The following KHDRBS2 variants were observed in gnomAD, a reference collection of about 807,000 sequenced individuals.
The protein encoded by KHDRBS2 is KH RNA binding domain containing, signal transduction associated 2.
In KHDRBS2, 26 loss-of-function variants were observed where a neutral mutation model predicts 44.3. The observed-to-expected ratio is 0.59, with a 90% CI of 0.43 to 0.81. The LOEUF is 0.81. Among genes scored for constraint, KHDRBS2 ranks in the 40% least tolerant of loss-of-function variants. The pLI, the probability that KHDRBS2 is intolerant of heterozygous loss-of-function variation, is 0.00. For synonymous variants in KHDRBS2, 194 were observed against 151.1 expected (o/e 1.28, Z -2.08); for missense variants, 476 against 433.1 (o/e 1.10, Z -0.88).
At chr6:62,013,637 C>T (rs1444348320) in intron 3 of KHDRBS2, among the ~76,000 whole-genome samples, 3 of 152,084 alleles carry the variant, frequency 2.0e-5, no homozygotes, top group Admixed American at 1.3e-4. Flanking sequence ...TTATTATGAA[C>T]TAACACTCAG....
At chr6:61,925,917 T>A (rs1808877599) in intron 4 of KHDRBS2, among the ~76,000 whole-genome samples, 1 of 152,118 alleles carries the variant, frequency 6.6e-6, no homozygotes, top group African/African-American at 2.4e-5. Flanking sequence ...AGGCATTATG[T>A]TTTGCATGTT....
At chr6:61,934,601 A>G (rs1810693995) in intron 4 of KHDRBS2, among the ~76,000 whole-genome samples, 1 of 152,172 alleles carries the variant, frequency 6.6e-6, no homozygotes, top group Non-Finnish European at 1.5e-5. Flanking sequence ...TTTAGTTTTG[A>G]TATTAATAGG....
chr6:61,954,164 A>G (rs1297830201), intron 4 of KHDRBS2, among the ~76,000 whole-genome samples: 1 of 152,076 alleles, frequency 6.6e-6, no homozygotes. Flanking sequence ...CATTGTTTCC[A>G]GAAGCACCTG....
rs1233010077 is a variant in KHDRBS2 at position 62,192,297 on chromosome 6, G to A, written c.92-14985C>T. Among the ~76,000 whole-genome samples, 3 of 152,092 alleles carry A rather than the reference G, an allele frequency of 2.0e-5. No homozygotes were observed. The East Asian group carries it at 5.8e-4, about 29-fold the overall frequency. ...TGCATTTATTTCCAGAACATGAGTA[G>A]AACATATGTCCTATGTGTGTGTAAA... On this transcript the variant is annotated intron_variant, in intron 1 of 8. Transcript: ENST00000281156.
chr6:61,585,142 T>C, the KHDRBS2 span, among the ~76,000 whole-genome samples: 1 of 151,960 alleles, frequency 6.6e-6, no homozygotes, highest in Non-Finnish European at 1.5e-5. Context: ...TAACTAATCA[T>C]TTTTACTTAA....
chr6:61,636,588 A>G, the KHDRBS2 span, among the ~76,000 whole-genome samples: 12 of 152,096 alleles, frequency 7.9e-5, no homozygotes, highest in African/African-American at 2.9e-4. Context: ...GTCTGGAGAC[A>G]GTTTTGGTTG....
chr6:61,805,115 C>G (rs1472866870), intron 6 of KHDRBS2, among the ~76,000 whole-genome samples: 1 of 152,146 alleles, frequency 6.6e-6, no homozygotes, highest in Non-Finnish European at 1.5e-5. Flanking sequence ...AAACTGAATG[C>G]TTTTAACAGC....
intron 6 of KHDRBS2, among the ~76,000 whole-genome samples, chr6:61,771,496 AC>A (rs1194034526): frequency 2.0e-5 from 3 of 152,192 alleles, no homozygotes; most frequent in Non-Finnish European, 4.4e-5. Flanking sequence ...AGGAAGATCT[AC>A]CAAGCAAATG....
rs114448613 is a variant in KHDRBS2 at position 62,188,146 on chromosome 6, C to G, written c.92-10834G>C. Among the ~76,000 whole-genome samples the G allele has an allele frequency of 7.2e-3, 1,093 of 152,106 alleles. 15 individuals carry two copies. The highest frequency in any genetic ancestry group is 0.025 in the African/African-American group (1,057 of 41,498). ...CCAATCCATTCATGAGGGATCTGCCCTCATGACCCAAACACCTCCCACTAG... is the reference window on the plus strand; with the variant it reads ...CCAATCCATTCATGAGGGATCTGCCGTCATGACCCAAACACCTCCCACTAG... On this transcript the variant is annotated intron_variant, in intron 1 of 8. Transcript: ENST00000281156.
intron 1 of KHDRBS2, among the ~76,000 whole-genome samples, chr6:62,220,720 A>G (rs1233260138): frequency 1.3e-5 from 2 of 151,926 alleles, no homozygotes; most frequent in Non-Finnish European, 2.9e-5. Flanking sequence ...ACACATAAAA[A>G]TAAAATATTG....
At chr6:62,112,110 G>A (rs1376915774) in intron 2 of KHDRBS2, among the ~76,000 whole-genome samples, 2 of 152,022 alleles carry the variant, frequency 1.3e-5, no homozygotes, top group Non-Finnish European at 2.9e-5. Context: ...TAAAGGCAAG[G>A]TGCCTCAATG....
intron 8 of KHDRBS2, among the ~76,000 whole-genome samples, chr6:61,689,901 A>C (rs11967133): frequency 1.3e-5 from 2 of 151,926 alleles, no homozygotes; most frequent in Non-Finnish European, 2.9e-5. Context: ...ATATATTTGC[A>C]ATGTTGGGAA....
At chr6:62,153,008 G>A (rs1470164793) in intron 2 of KHDRBS2, among the ~76,000 whole-genome samples, 1 of 152,216 alleles carries the variant, frequency 6.6e-6, no homozygotes, top group Non-Finnish European at 1.5e-5. Flanking sequence ...TGGCTCACTG[G>A]TGATTACGTA....
chr6:62,144,891 G>C (rs1226817960), intron 2 of KHDRBS2, among the ~76,000 whole-genome samples: 1 of 151,884 alleles, frequency 6.6e-6, no homozygotes, highest in East Asian at 1.9e-4. Context: ...TCATGTAATA[G>C]ACCTTGTTAA....
intron 1 of KHDRBS2, among the ~76,000 whole-genome samples, chr6:62,275,406 G>A (rs1381919758): frequency 6.6e-6 from 1 of 152,114 alleles, no homozygotes; most frequent in African/African-American, 2.4e-5. Flanking sequence ...ACTTAAAACT[G>A]TCTGGAGACA....
intron 1 of KHDRBS2, among the ~76,000 whole-genome samples, chr6:62,284,650 T>C (rs1842228686): frequency 6.6e-6 from 1 of 152,168 alleles, no homozygotes; most frequent in African/African-American, 2.4e-5. Context: ...AACAGTTTAG[T>C]TATTTCACAT....
chr6:62,132,226 T>C (rs1305177495), intron 2 of KHDRBS2, among the ~76,000 whole-genome samples: 1 of 152,198 alleles, frequency 6.6e-6, no homozygotes, highest in Non-Finnish European at 1.5e-5. Context: ...TAAACCTTAT[T>C]TTGCTTAAAT....
intron 8 of KHDRBS2, among the ~76,000 whole-genome samples, chr6:61,684,364 A>C (rs1239782993): frequency 6.6e-6 from 1 of 151,908 alleles, no homozygotes; most frequent in Non-Finnish European, 1.5e-5. Context: ...GAAGAGGCCC[A>C]AACATAGGGA....
At chr6:61,689,624 G>C (rs1394253852) in intron 8 of KHDRBS2, among the ~76,000 whole-genome samples, 2 of 151,948 alleles carry the variant, frequency 1.3e-5, no homozygotes, top group Admixed American at 6.6e-5. Flanking sequence ...AAAGCCTCTT[G>C]AGTTATCTGC....
Sources: allele counts gnomAD v4.1 joint callset (sites outside exome capture counted in the v4.1 genomes callset), GRCh38; gene constraint gnomAD v4.1.1; transcripts MANE v1.5; gene names NCBI Gene and HGNC (gene_info 2026-07-23, HGNC 2026-07-21).